The following PPP2R2C variants were observed in gnomAD, a reference collection of about 807,000 sequenced individuals.
The protein encoded by PPP2R2C is protein phosphatase 2, regulatory subunit B, gamma.
A neutral mutation model predicts 45.3 loss-of-function variants in PPP2R2C; 10 were observed. The ratio of observed to expected loss-of-function variants is 0.22; its 90% confidence interval spans 0.14 to 0.37. The LOEUF is 0.37. Among genes scored for constraint, PPP2R2C ranks in the 10% least tolerant of loss-of-function variants. The probability of loss-of-function intolerance (pLI) is 1.00; values close to 1 mark genes in which losing one functional copy is unlikely to be tolerated. For missense variants in PPP2R2C, 308 were observed against 619.7 expected, an observed-to-expected ratio of 0.50 and a Z score of 5.34; for synonymous variants, 257 against 245.4, an observed-to-expected ratio of 1.05 and a Z score of -0.44.
chr4:6,456,920 AG>A (rs1457800838), intron 1 of PPP2R2C, among the ~76,000 whole-genome samples: 1 of 152,158 alleles, frequency 6.6e-6, no homozygotes, highest in African/African-American at 2.4e-5. Flanking sequence ...CATAAAAATG[AG>A]CATGAGCCAG....
intron 1 of PPP2R2C, among the ~76,000 whole-genome samples, chr4:6,447,979 T>C (rs997463347): frequency 1.3e-5 from 2 of 152,138 alleles, no homozygotes; most frequent in Non-Finnish European, 2.9e-5. Context: ...ATGGAAATAT[T>C]CTCTGGGCCC....
intron 2 of PPP2R2C, among the ~76,000 whole-genome samples, chr4:6,518,704 T>A (rs571517483): frequency 1.9e-4 from 29 of 152,072 alleles, no homozygotes; most frequent in African/African-American, 7.0e-4. Flanking sequence ...AAGTGGCTCA[T>A]CAGAGGTCAG....
chr4:6,522,943 C>A (rs1724072262), intron 2 of PPP2R2C, among the ~76,000 whole-genome samples: 1 of 152,350 alleles, frequency 6.6e-6, no homozygotes, highest in African/African-American at 2.4e-5. Context: ...GATGAGGAAG[C>A]TGAGGCAGGG....
chr4:6,552,116 C>A (rs1725203773), intron 1 of PPP2R2C, among the ~76,000 whole-genome samples: 1 of 152,364 alleles, frequency 6.6e-6, no homozygotes, highest in Middle Eastern at 3.4e-3. Flanking sequence ...AAGGGGAGAC[C>A]TGAGCCCACT....
At chr4:6,449,904 A>T (rs1286965010) in intron 1 of PPP2R2C, among the ~76,000 whole-genome samples, 1 of 152,246 alleles carries the variant, frequency 6.6e-6, no homozygotes, top group African/African-American at 2.4e-5. Flanking sequence ...GAGAGGACTG[A>T]AAACAGCCCC....
At chr4:6,339,117 C>A (rs539777057) in intron 6 of PPP2R2C, among the ~76,000 whole-genome samples, 14 of 152,386 alleles carry the variant, frequency 9.2e-5, no homozygotes, top group Admixed American at 2.0e-4. Flanking sequence ...CAGGCTCACA[C>A]CCTGCTTTCT....
At chr4:6,529,065 C>G (rs1266915342) in intron 2 of PPP2R2C, among the ~76,000 whole-genome samples, 1 of 152,234 alleles carries the variant, frequency 6.6e-6, no homozygotes, top group African/African-American at 2.4e-5. Flanking sequence ...CCAGAGCTGG[C>G]CTATTCATGT....
chr4:6,363,302 G>T (rs925329155), intron 5 of PPP2R2C, among the ~76,000 whole-genome samples: 1 of 152,192 alleles, frequency 6.6e-6, no homozygotes, highest in Non-Finnish European at 1.5e-5. Context: ...CACCAGGCCA[G>T]GTGCGGTGGC....
At chr4:6,440,738 G>A (rs1387730615) in intron 1 of PPP2R2C, among the ~76,000 whole-genome samples, 1 of 152,194 alleles carries the variant, frequency 6.6e-6, no homozygotes, top group South Asian at 2.1e-4. Flanking sequence ...GACGCCGCCT[G>A]AGTCTGTATC....
At chr4:6,397,977 C>CA (rs1435127822) in intron 1 of PPP2R2C, among the ~76,000 whole-genome samples, 1 of 152,230 alleles carries the variant, frequency 6.6e-6, no homozygotes, top group African/African-American at 2.4e-5. Flanking sequence ...AACAGAGAAT[C>CA]CAGAACTAGA....
intron 5 of PPP2R2C, among the ~76,000 whole-genome samples, chr4:6,354,324 T>C (rs1409829661): frequency 6.6e-6 from 1 of 152,006 alleles, no homozygotes; most frequent in Admixed American, 6.5e-5. Context: ...CCGCCAGCCA[T>C]ATCCAGCAGT....
At chr4:6,410,688 G>A (rs1156969440) in intron 1 of PPP2R2C, among the ~76,000 whole-genome samples, 4 of 151,916 alleles carry the variant, frequency 2.6e-5, no homozygotes, top group African/African-American at 4.8e-5. Flanking sequence ...CAGGGGAGAC[G>A]TGGAGAAGCC....
At chr4:6,414,838 C>T (rs144433771) in intron 1 of PPP2R2C, among the ~76,000 whole-genome samples, 5 of 152,264 alleles carry the variant, frequency 3.3e-5, no homozygotes, top group Admixed American at 6.5e-5. Flanking sequence ...TCAGGGGCCT[C>T]ATCTGAAAGC....
At chr4:6,494,920 A>C (rs1422442971) in intron 2 of PPP2R2C, among the ~76,000 whole-genome samples, 3 of 152,256 alleles carry the variant, frequency 2.0e-5, no homozygotes. Context: ...CCCTGAGACC[A>C]GGATGGTGGT....
intron 2 of PPP2R2C, among the ~76,000 whole-genome samples, chr4:6,483,129 AGATAGATAGATAGATTGATT>A (rs1722415911): frequency 1.0e-5 from 1 of 97,170 alleles, no homozygotes; most frequent in Non-Finnish European, 2.2e-5. Flanking sequence ...ATAGATAGAT[AGATAGATAGATAGATTGATT>A]GATTGATAGA....
intron 2 of PPP2R2C, among the ~76,000 whole-genome samples, chr4:6,531,574 T>C (rs1277159427): frequency 2.0e-5 from 3 of 151,628 alleles, no homozygotes; most frequent in East Asian, 3.9e-4. Context: ...TTTTTTTTTT[T>C]TTGGCTAACA....
chr4:6,427,451 A>G (rs1467307971), intron 1 of PPP2R2C, among the ~76,000 whole-genome samples: 1 of 152,124 alleles, frequency 6.6e-6, no homozygotes, highest in East Asian at 1.9e-4. Context: ...TCCTACTCTC[A>G]GCTCCCATTT....
At chr4:6,494,428 AC>A (rs1259699618) in intron 2 of PPP2R2C, among the ~76,000 whole-genome samples, 1 of 152,174 alleles carries the variant, frequency 6.6e-6, no homozygotes, top group East Asian at 1.9e-4. Flanking sequence ...GGAACACAGC[AC>A]CTCCCGCATG....
intron 1 of PPP2R2C, among the ~76,000 whole-genome samples, chr4:6,427,602 C>A (rs1577174967): frequency 6.6e-6 from 1 of 152,350 alleles, no homozygotes; most frequent in South Asian, 2.1e-4. Flanking sequence ...TCAGTGGCTC[C>A]TTCCCCTGTG....
Sources: allele counts gnomAD v4.1 joint callset (sites outside exome capture counted in the v4.1 genomes callset), GRCh38; gene constraint gnomAD v4.1.1; transcripts MANE v1.5; gene names NCBI Gene and HGNC (gene_info 2026-07-23, HGNC 2026-07-21).